CDH18: variants seen among roughly 807,000 people sequenced by gnomAD.
CDH18 encodes cadherin-18.
A neutral mutation model predicts 67.9 loss-of-function variants in CDH18; 31 were observed. That is an observed-to-expected ratio of 0.46 (90% confidence interval 0.34 to 0.62). The LOEUF is 0.62. Ranked by LOEUF, CDH18 falls within the 20% of genes least tolerant of loss-of-function variation. The pLI, the probability that CDH18 is intolerant of heterozygous loss-of-function variation, is 0.01. For missense variants in CDH18, 890 were observed against 975.5 expected, an observed-to-expected ratio of 0.91 and a Z score of 1.17; for synonymous variants, 362 against 347.2, an observed-to-expected ratio of 1.04 and a Z score of -0.48.
At chr5:20,239,167 C>T (rs1243399511) in intron 2 of CDH18, among the ~76,000 whole-genome samples, 2 of 152,032 alleles carry the variant, frequency 1.3e-5, no homozygotes, top group Non-Finnish European at 2.9e-5. Context: ...ATAAAATGCT[C>T]CAGTAGGCCG....
chr5:20,321,871 A>T (rs990070364), intron 1 of CDH18, among the ~76,000 whole-genome samples: 1 of 152,176 alleles, frequency 6.6e-6, no homozygotes, highest in African/African-American at 2.4e-5. Flanking sequence ...CCAATGTCCA[A>T]CCCTGTTCTC....
At chr5:20,563,494 G>GT (rs1758333662) in intron 1 of CDH18, among the ~76,000 whole-genome samples, 1 of 151,698 alleles carries the variant, frequency 6.6e-6, no homozygotes, top group Non-Finnish European at 1.5e-5. Flanking sequence ...AAGTTCACTC[G>GT]TTTTTTGTGT....
intron 1 of CDH18, among the ~76,000 whole-genome samples, chr5:20,569,570 C>A (rs1464348198): frequency 6.6e-6 from 1 of 152,114 alleles, no homozygotes; most frequent in Non-Finnish European, 1.5e-5. Context: ...AAGGTCACAC[C>A]ACTGCACTCC....
chr5:19,644,337 G>A (rs879445405), intron 5 of CDH18, among the ~76,000 whole-genome samples: 4 of 151,928 alleles, frequency 2.6e-5, no homozygotes, highest in South Asian at 2.1e-4. Context: ...GGTCTGTGTC[G>A]CAAGAAGCAT....
intron 10 of CDH18, among the ~76,000 whole-genome samples, chr5:19,508,541 CAAATTTAG>C (rs1744596949): frequency 6.6e-6 from 1 of 151,492 alleles, no homozygotes; most frequent in Non-Finnish European, 1.5e-5. Flanking sequence ...AATGATATTA[CAAATTTAG>C]TCTACATTAC....
intron 1 of CDH18, among the ~76,000 whole-genome samples, chr5:20,361,144 G>T (rs1014380641): frequency 6.6e-5 from 10 of 151,938 alleles, no homozygotes; most frequent in African/African-American, 2.2e-4. Flanking sequence ...ATTAAAAATT[G>T]TTCATTCATT....
chr5:20,232,730 G>T (rs1435731393), intron 2 of CDH18, among the ~76,000 whole-genome samples: 3 of 151,970 alleles, frequency 2.0e-5, no homozygotes, highest in Admixed American at 2.0e-4. Context: ...AGCCAAAATA[G>T]AATTTTTTAT....
At chr5:20,547,498 T>A (rs1480847956) in intron 1 of CDH18, among the ~76,000 whole-genome samples, 1 of 151,670 alleles carries the variant, frequency 6.6e-6, no homozygotes, top group Non-Finnish European at 1.5e-5. Flanking sequence ...GAGGCAGAGG[T>A]TGCAATGAGT....
chr5:19,680,526 T>A (rs1342375938), intron 5 of CDH18, among the ~76,000 whole-genome samples: 1 of 151,966 alleles, frequency 6.6e-6, no homozygotes, highest in African/African-American at 2.4e-5. Flanking sequence ...ACTGTGCATC[T>A]AATAAATGTA....
intron 2 of CDH18, among the ~76,000 whole-genome samples, chr5:19,875,131 C>T (rs143007777): frequency 2.0e-5 from 3 of 152,066 alleles, no homozygotes; most frequent in Non-Finnish European, 2.9e-5. Context: ...AGATACCTGA[C>T]TTTTTTAATT....
chr5:19,479,408 A>C (rs1739022601), intron 12 of CDH18, among the ~76,000 whole-genome samples: 1 of 152,214 alleles, frequency 6.6e-6, no homozygotes, highest in African/African-American at 2.4e-5. Flanking sequence ...CTCATAAATT[A>C]ACTTCAACAT....
intron 5 of CDH18, among the ~76,000 whole-genome samples, chr5:19,699,986 C>A (rs945312450): frequency 6.6e-6 from 1 of 152,082 alleles, no homozygotes; most frequent in African/African-American, 2.4e-5. Context: ...TAAATGTATA[C>A]AAACTTAAGA....
chr5:19,920,191 A>G (rs1792275500), intron 2 of CDH18, among the ~76,000 whole-genome samples: 1 of 152,226 alleles, frequency 6.6e-6, no homozygotes, highest in Admixed American at 6.5e-5. Flanking sequence ...CGAAGTTATA[A>G]TTCATATCTT....
At chr5:19,670,364 C>G (rs1442733712) in intron 5 of CDH18, among the ~76,000 whole-genome samples, 1 of 151,920 alleles carries the variant, frequency 6.6e-6, no homozygotes, top group African/African-American at 2.4e-5. Flanking sequence ...TCAAAAACAG[C>G]GTATCTGCAT....
chr5:19,565,912 A>T (rs1047560709), intron 8 of CDH18, among the ~76,000 whole-genome samples: 1 of 152,202 alleles, frequency 6.6e-6, no homozygotes, highest in African/African-American at 2.4e-5. Context: ...CAAAGAAAAC[A>T]ATCAACAATG....
At chr5:20,231,396 G>C (rs1053961307) in intron 2 of CDH18, among the ~76,000 whole-genome samples, 1 of 151,952 alleles carries the variant, frequency 6.6e-6, no homozygotes, top group African/African-American at 2.4e-5. Context: ...GATCACCTGA[G>C]GTCAGGAGTT....
intron 8 of CDH18, among the ~76,000 whole-genome samples, chr5:19,553,716 T>C (rs375906635): frequency 6.7e-6 from 1 of 150,154 alleles, no homozygotes; most frequent in East Asian, 2.0e-4. Context: ...ACACGACTCA[T>C]TGCAGCCTTT....
intron 1 of CDH18, among the ~76,000 whole-genome samples, chr5:20,389,302 T>C (rs10035916): frequency 0.19 from 28,633 of 152,110 alleles, 2,955 homozygotes; most frequent in African/African-American, 0.25. Flanking sequence ...TTTACCATTA[T>C]GTAATGGCCT....
intron 2 of CDH18, among the ~76,000 whole-genome samples, chr5:20,086,643 T>C (rs1227234530): frequency 1.3e-5 from 2 of 151,898 alleles, no homozygotes; most frequent in Admixed American, 6.5e-5. Flanking sequence ...GTAAGAATTA[T>C]GCTAAATCTA....
Sources: gnomAD v4.1 joint callset for allele counts (sites outside exome capture counted in the v4.1 genomes callset) on GRCh38, gnomAD v4.1.1 for gene constraint, MANE v1.5 for transcripts, NCBI Gene and HGNC (gene_info 2026-07-23, HGNC 2026-07-21) for gene names.